Variants in EEA1 observed in about 807,000 individuals in gnomAD.
The protein encoded by EEA1 is early endosome antigen 1.
EEA1 carries 111 observed loss-of-function variants against 209.2 expected under a neutral mutation model. That is an observed-to-expected ratio of 0.53 (90% confidence interval 0.45 to 0.62). EEA1 has a LOEUF of 0.62. Ranked by LOEUF, EEA1 falls within the 20% of genes least tolerant of loss-of-function variation. The probability of loss-of-function intolerance (pLI) is 0.00; values close to 1 mark genes in which losing one functional copy is unlikely to be tolerated. For synonymous variants in EEA1, 536 were observed against 540.6 expected (o/e 0.99, Z 0.12); for missense variants, 1,343 against 1,530.8 (o/e 0.88, Z 2.05).
rs896000679 is a variant in EEA1 at position 92,772,369 on chromosome 12, C to T, written c.*3642G>A. On this transcript the variant is annotated 3_prime_UTR_variant, in exon 29 of 29. Coordinates refer to ENST00000322349, the MANE Select transcript of EEA1 (RefSeq NM_003566.4). ...TGAGATCAGGAATTTAATTACTATT[C>T]GAAATTGAACAACATTAAAACACCA... 2.6e-5 allele frequency: 4 copies of T among 151,572 alleles called. No homozygotes were observed. The highest frequency in any genetic ancestry group is 2.1e-4 in the South Asian group (1 of 4,816). 9.4% of individuals were successfully genotyped at this position (151,572 alleles called of 1,614,324 possible). A position where few individuals can be genotyped will look rare whatever the true frequency, so the allele number is the denominator to read the frequency against.
In EEA1 at chr12:92,814,140, G is replaced by T. The variant is rs921724073; in HGVS notation, c.1930-1047C>A. On this transcript the variant is annotated intron_variant, in intron 15 of 28. Transcript: ENST00000322349. ...CATTCTTTTAGCTGGTTGAAGAGAG[G>T]ATCAATGAACATAAGAAATCTAAGA... Among the ~76,000 whole-genome samples the T allele has an allele frequency of 2.0e-5, 3 of 152,016 alleles. No individual in the cohort carries two copies. In the East Asian group the frequency reaches 5.8e-4, roughly 29 times the overall value.
chr12:92,882,079 G>C (rs1879171956), intron 2 of EEA1, among the ~76,000 whole-genome samples: 1 of 151,394 alleles, frequency 6.6e-6, no homozygotes, highest in South Asian at 2.1e-4. Context: ...TTCTTTTTTG[G>C]CTCTATGGAA....
Position 92,842,190 on chromosome 12 carries a change from C to G in EEA1, c.915+275G>C, listed in dbSNP as rs146913928. ...GTATGGTTCTATTTATATGAGGCAC[C>G]TAGGGTAGTCAAATTTTAGAGACAG... On this transcript the variant is annotated intron_variant, in intron 10 of 28. Coordinates refer to ENST00000322349, the MANE Select transcript of EEA1 (RefSeq NM_003566.4). 5.1e-4 allele frequency among the ~76,000 whole-genome samples: 78 copies of G among 151,852 alleles called. No individual in the cohort carries two copies. The East Asian group carries it at 0.013, about 24-fold the overall frequency.
intron 2 of EEA1, among the ~76,000 whole-genome samples, chr12:92,887,180 A>T (rs1879450462): frequency 6.6e-6 from 1 of 152,070 alleles, no homozygotes; most frequent in Non-Finnish European, 1.5e-5. Context: ...AAAAACAAAA[A>T]AAAAGGATAT....
intron 11 of EEA1, 29 bp downstream of exon 11, chr12:92,832,483 T>C: frequency 1.9e-6 from 3 of 1,566,276 alleles, no homozygotes; most frequent in Non-Finnish European, 2.6e-6. Flanking sequence ...AGAGGGAGAA[T>C]TACAATAAAT....
rs776707160 is a variant in EEA1 at position 92,802,642 on chromosome 12, AT to A, written c.2431del (p.Ile811SerfsTer2). ...KLTKQEEEKK[I>X]LKQDFETLSQ... Reference sequence around the variant, plus strand: ...TAAAGTTTCAAAATCTTGTTTCAGGATTTTTTTTTCTTCCTCTTGCTTGGTA... The same window carrying A: ...TAAAGTTTCAAAATCTTGTTTCAGGATTTTTTTTCTTCCTCTTGCTTGGTA... On this transcript the variant is annotated frameshift_variant, in exon 19 of 29. Coordinates refer to ENST00000322349, the MANE Select transcript of EEA1 (RefSeq NM_003566.4). LOFTEE classifies it high-confidence loss of function. The A allele has an allele frequency of 2.5e-6, 4 of 1,602,488 alleles. No homozygotes were observed. Among genetic ancestry groups the A allele is most frequent in the Admixed American group, 3.5e-5 (2 of 57,518 alleles).
chr12:92,838,969 G>C (rs760413546), intron 10 of EEA1, among the ~76,000 whole-genome samples: 5 of 151,766 alleles, frequency 3.3e-5, no homozygotes, highest in Non-Finnish European at 4.4e-5. Context: ...ATTAATATTC[G>C]GACTTGAGTA....
At position 92,893,584 on chromosome 12, in the gene EEA1, T is replaced by TA. The variant is rs150403831; in HGVS notation, c.25-1864dup. ...AATGCTATATTCATCAAAATGATTA[T>TA]AAAAACTATATACAATGGAAAAATA... On this transcript the variant is annotated intron_variant, in intron 1 of 28. Transcript: ENST00000322349. Among the ~76,000 whole-genome samples, 740 of 152,222 alleles carry TA rather than the reference T, an allele frequency of 4.9e-3. 2 individuals carry two copies. Among genetic ancestry groups the TA allele is most frequent in the African/African-American group, 0.017 (691 of 41,542 alleles).
chr12:92,851,006 T>C, intron 9 of EEA1, 105 bp downstream of exon 9: 1 of 1,063,542 alleles, frequency 9.4e-7, no homozygotes, highest in Non-Finnish European at 1.3e-6. Context: ...GAAAGACAAA[T>C]ATTTTGATAG....
At chr12:92,870,918 A>T (rs766886254) in intron 2 of EEA1, among the ~76,000 whole-genome samples, 3 of 152,072 alleles carry the variant, frequency 2.0e-5, no homozygotes, top group Non-Finnish European at 4.4e-5. Flanking sequence ...CTCAGTGGTC[A>T]GGCTGGTCTC....
intron 2 of EEA1, chr12:92,883,914 A>G: frequency 6.4e-7 from 1 of 1,572,896 alleles, no homozygotes; most frequent in South Asian, 1.1e-5. Flanking sequence ...TGGTAATGAG[A>G]GATCCAAACA....
intron 17 of EEA1, 36 bp downstream of exon 17, chr12:92,811,243 G>A (rs574689165): frequency 1.5e-6 from 2 of 1,353,570 alleles, no homozygotes; most frequent in East Asian, 5.4e-5. Context: ...TACTGAAGTA[G>A]AAAATATGAC....
chr12:92,771,640 T>C lies in EEA1; in HGVS notation c.*4371A>G, dbSNP rs1166339344. 6.6e-6 allele frequency: 1 copy of C among 151,962 alleles called. No individual in the cohort carries two copies. The highest frequency in any genetic ancestry group is 1.5e-5 in the Non-Finnish European group (1 of 67,892). The allele number at this position is 151,962 out of a possible 1,614,324, so 9.4% of individuals were successfully genotyped here. On this transcript the variant is annotated 3_prime_UTR_variant, in exon 29 of 29. Transcript: ENST00000322349. ...CTGAAAGCAGTTATGTCCAGGAGAA[T>C]ACAATATAGATTATGCAAGAGAAGA...
chr12:92,797,370 G>T (rs1281415375), intron 21 of EEA1, among the ~76,000 whole-genome samples: 1 of 152,176 alleles, frequency 6.6e-6, no homozygotes, highest in Non-Finnish European at 1.5e-5. Flanking sequence ...TTACAGGTGT[G>T]AGCCACTGCA....
intron 22 of EEA1, among the ~76,000 whole-genome samples, chr12:92,784,957 C>T (rs1874063235): frequency 6.7e-6 from 1 of 148,236 alleles, no homozygotes; most frequent in Non-Finnish European, 1.5e-5. Flanking sequence ...CCCCAGTAAA[C>T]AAATGATTTC....
intron 1 of EEA1, among the ~76,000 whole-genome samples, chr12:92,917,602 C>T (rs1880820272): frequency 6.6e-6 from 1 of 151,928 alleles, no homozygotes; most frequent in Admixed American, 6.6e-5. Context: ...AAGCGCTAAA[C>T]ATGGAAAGGA....
chr12:92,905,539 G>A (rs1464481990), intron 1 of EEA1: 3 of 151,918 alleles, frequency 2.0e-5, no homozygotes, highest in South Asian at 2.1e-4. Flanking sequence ...CCGGGAGACC[G>A]AGGTTGCAGT....
intron 9 of EEA1, among the ~76,000 whole-genome samples, chr12:92,846,360 A>G (rs1222218566): frequency 6.6e-6 from 1 of 152,218 alleles, no homozygotes; most frequent in Non-Finnish European, 1.5e-5. Context: ...CACTGAGCAC[A>G]TAATTAAAAT....
intron 21 of EEA1, 137 bp downstream of exon 21, chr12:92,798,755 C>A (rs1874763664): frequency 1.9e-6 from 1 of 527,068 alleles, no homozygotes; most frequent in Non-Finnish European, 3.2e-6. Context: ...CAAATGCTTT[C>A]ATATATTAAA....
Sources: allele counts gnomAD v4.1 joint callset (sites outside exome capture counted in the v4.1 genomes callset), GRCh38; gene constraint gnomAD v4.1.1; transcripts MANE v1.5; gene names NCBI Gene and HGNC (gene_info 2026-07-23, HGNC 2026-07-21).